The following POLR2E variants were observed in gnomAD, a reference collection of about 807,000 sequenced individuals.
POLR2E encodes the protein RNA polymerase II, I and III subunit E.
Under a neutral mutation model 29.8 loss-of-function variants are expected in POLR2E, and 35 were observed. That is an observed-to-expected ratio of 1.17 (90% CI 0.90 to 1.55). The LOEUF (loss-of-function observed/expected upper bound fraction) is 1.55, where lower values mean the gene tolerates loss of function less well. Among genes scored for constraint, POLR2E ranks in the 40% most tolerant of loss-of-function variants. POLR2E has a pLI of 0.00. For synonymous variants in POLR2E, 174 were observed against 112.6 expected, an observed-to-expected ratio of 1.55 and a Z score of -3.45; for missense variants, 287 against 288.6, an observed-to-expected ratio of 0.99 and a Z score of 0.04.
rs565063884 is a variant in POLR2E at position 1,093,827 on chromosome 19, G to C, written c.232+77C>G. On this transcript the variant is annotated intron_variant, in intron 2 of 7. Coordinates refer to ENST00000615234, the MANE Select transcript of POLR2E (RefSeq NM_002695.5). ...CAAATGCTGGGCACCAGGCGAGTGG[G>C]GGTGGGTGCTAGCGACCGGCTCCTC... is the stretch of plus-strand genomic sequence containing the variant. 1.7e-5 allele frequency: 25 copies of C among 1,473,854 alleles called. No individual in the cohort carries two copies. In the East Asian group the frequency reaches 6.1e-4, roughly 36 times the overall value. The allele number at this position is 1,473,854 out of a possible 1,614,324, so 91.3% of individuals were successfully genotyped here. A position where few individuals can be genotyped will look rare whatever the true frequency, so the allele number is the denominator to read the frequency against.
At chr19:1,090,815 C>T (rs2043812849) in intron 4 of POLR2E, 93 bp downstream of exon 4, 16 of 1,108,148 alleles carry the variant, frequency 1.4e-5, no homozygotes, top group East Asian at 2.5e-5. Flanking sequence ...GGAACACCTG[C>T]CCTGGGCCCC....
Position 1,090,159 on chromosome 19 carries a change from A to G in POLR2E, c.430-14T>C, listed in dbSNP as rs771314610. The G allele has an allele frequency of 1.2e-5, 19 of 1,611,744 alleles. No individual in the cohort carries two copies. In the East Asian group the frequency reaches 4.0e-4, roughly 34 times the overall value. On this transcript the variant is annotated splice_polypyrimidine_tract_variant and intron_variant, in intron 4 of 7. Coordinates refer to ENST00000615234, the MANE Select transcript of POLR2E (RefSeq NM_002695.5). ...CTCAGGGACTAGCTGCCGAGAGAGGAAGCCACCAGGCATCACCAAGGGCTG... is the reference window on the plus strand; with the variant it reads ...CTCAGGGACTAGCTGCCGAGAGAGGGAGCCACCAGGCATCACCAAGGGCTG...
At chr19:1,090,784 C>T in intron 4 of POLR2E, 124 bp downstream of exon 4, 2 of 798,952 alleles carry the variant, frequency 2.5e-6, no homozygotes, top group Admixed American at 2.6e-5. Flanking sequence ...CTTTGAGAAC[C>T]CTGTCCTCCA....
intron 3 of POLR2E, 187 bp downstream of exon 3, chr19:1,091,605 G>T: frequency 1.7e-6 from 1 of 590,604 alleles, no homozygotes; most frequent in East Asian, 2.8e-5. Flanking sequence ...GCGGCTGCCT[G>T]GGGTGGGGCC....
intron 1 of POLR2E, chr19:1,094,804 T>A (rs1315757593): frequency 5.5e-6 from 1 of 182,886 alleles, no homozygotes; most frequent in African/African-American, 2.4e-5. Flanking sequence ...AGGCACGGGT[T>A]CCGAGCTCCA....
At chr19:1,092,767 G>C (rs1163648606) in intron 2 of POLR2E, among the ~76,000 whole-genome samples, 1 of 151,206 alleles carries the variant, frequency 6.6e-6, no homozygotes, top group Admixed American at 6.6e-5. Context: ...TGTAAACCTA[G>C]CTTTTTGGGA....
At chr19:1,091,707 A>G in intron 3 of POLR2E, 85 bp downstream of exon 3, 1 of 916,058 alleles carries the variant, frequency 1.1e-6, no homozygotes, top group East Asian at 2.5e-5. Flanking sequence ...CCAAAGCCCA[A>G]GGCACGTGGG....
intron 4 of POLR2E, among the ~76,000 whole-genome samples, chr19:1,090,644 TC>T (rs1267473167): frequency 3.3e-5 from 5 of 151,856 alleles, no homozygotes; most frequent in African/African-American, 1.2e-4. Flanking sequence ...GGTCTGGAAC[TC>T]CTGACCTCGT....
At position 1,088,218 on chromosome 19, in the gene POLR2E, C is replaced by T. The variant is rs922450780; in HGVS notation, c.*517G>A. On this transcript the variant is annotated 3_prime_UTR_variant, in exon 8 of 8. Coordinates refer to ENST00000615234, the MANE Select transcript of POLR2E (RefSeq NM_002695.5). ...AAACATCTTTACCATTTGAAAACAC[C>T]CAACCTCCTACAACAACCGAGAACT... 1 of 152,386 alleles carries T rather than the reference C, an allele frequency of 6.6e-6. No homozygotes were observed. Among genetic ancestry groups the T allele is most frequent in the Admixed American group, 6.5e-5 (1 of 15,284 alleles). The allele number at this position is 152,386 out of a possible 1,614,324, so 9.4% of individuals were successfully genotyped here.
At chr19:1,091,317 C>T (rs1187954820) in intron 3 of POLR2E, among the ~76,000 whole-genome samples, 1 of 152,232 alleles carries the variant, frequency 6.6e-6, no homozygotes, top group Non-Finnish European at 1.5e-5. Context: ...GCGTGAACCC[C>T]ACAGCTGGTG....
chr19:1,089,818 G>C, intron 6 of POLR2E, 66 bp downstream of exon 6: 1 of 1,313,324 alleles, frequency 7.6e-7, no homozygotes, highest in Non-Finnish European at 1.1e-6. Context: ...GGGAGGGACA[G>C]AAGCCCCCTT....
In POLR2E at chr19:1,087,883, T is replaced by A. The variant is rs2043739603; in HGVS notation, c.*852A>T. On this transcript the variant is annotated 3_prime_UTR_variant, in exon 8 of 8. Coordinates refer to ENST00000615234, the MANE Select transcript of POLR2E (RefSeq NM_002695.5). ...GGCGAGGCCTTCTGAAATCAGACAG[T>A]AAGCAAACGGGGAAGTAGAGCCAGA... The A allele has an allele frequency of 6.6e-6, 1 of 152,218 alleles. No individual in the cohort carries two copies. The highest frequency in any genetic ancestry group is 2.4e-5 in the African/African-American group (1 of 41,390). The allele number at this position is 152,218 out of a possible 1,614,324, so 9.4% of individuals were successfully genotyped here.
chr19:1,090,236 C>G lies in POLR2E; in HGVS notation c.430-91G>C, dbSNP rs542603057. The G allele has an allele frequency of 6.4e-6, 7 of 1,098,200 alleles. No homozygotes were observed. In the East Asian group the frequency reaches 9.9e-5, roughly 15 times the overall value. The allele number at this position is 1,098,200 out of a possible 1,614,324, so 68.0% of individuals were successfully genotyped here. A position where few individuals can be genotyped will look rare whatever the true frequency, so the allele number is the denominator to read the frequency against. ...CCACCACAGCCCCTGCGCCTTCAGA[C>G]GGACAAGAGCCCTGAACCCCACCCC... On this transcript the variant is annotated intron_variant, in intron 4 of 7. Transcript: ENST00000615234.
chr19:1,093,917 A>G lies in POLR2E; in HGVS notation c.219T>C (p.Phe73=), dbSNP rs1405235265. The change falls in exon 2 of 8, where the codon TTT becomes TTC. Residue 73 remains phenylalanine, a synonymous_variant. Coordinates refer to ENST00000615234, the MANE Select transcript of POLR2E (RefSeq NM_002695.5). Reference sequence around the variant, plus strand: ...CCCGCTGCTCACCTGGAAAGAACACAAACATCTGGTCGGTGGGGTCATCGT... The same window carrying G: ...CCCGCTGCTCACCTGGAAAGAACACGAACATCTGGTCGGTGGGGTCATCGT... ...AHNDDPTDQM[F]VFFPEEPKVG... 6.2e-7 allele frequency: 1 copy of G among 1,601,568 alleles called. No individual in the cohort carries two copies. Among genetic ancestry groups the G allele is most frequent in the African/African-American group, 1.3e-5 (1 of 74,498 alleles).
chr19:1,091,000 C>A lies in POLR2E; in HGVS notation c.349-12G>T, dbSNP rs10406195. 3.1e-6 allele frequency: 5 copies of A among 1,612,646 alleles called. No individual in the cohort carries two copies. The highest frequency in any genetic ancestry group is 1.1e-5 in the South Asian group (1 of 91,070). ...ATGTCGACCAGGGACTGGAAGAGAG[C>A]GGCTCTAAGGCACGGCCCGGAGGGG... On this transcript the variant is annotated splice_polypyrimidine_tract_variant and intron_variant, in intron 3 of 7. Transcript: ENST00000615234.
intron 7 of POLR2E, among the ~76,000 whole-genome samples, chr19:1,088,935 A>G (rs10405108): frequency 0.94 from 143,374 of 152,244 alleles, 67,565 homozygotes; most frequent in East Asian, 0.99. Context: ...AGACCAGGCC[A>G]AGCCCCACCC....
chr19:1,089,586 G>C (rs1210330168), intron 6 of POLR2E, 35 bp from the exon 7 acceptor site: 6 of 1,580,586 alleles, frequency 3.8e-6, no homozygotes, highest in Non-Finnish European at 5.2e-6. Context: ...GCGAATGCTT[G>C]AGGGGTCTCA....
At chr19:1,091,017 C>T (rs1431926337) in intron 3 of POLR2E, 29 bp from the exon 4 acceptor site, 1 of 1,603,420 alleles carries the variant, frequency 6.2e-7, no homozygotes, top group Non-Finnish European at 8.5e-7. Flanking sequence ...AAGGCACGGC[C>T]CGGAGGGGCC....
rs760879470 is a variant in POLR2E at position 1,094,035 on chromosome 19, T to A, written c.101A>T (p.Asp34Val). The A allele has an allele frequency of 1.2e-6, 2 of 1,613,488 alleles. No individual in the cohort carries two copies. Among genetic ancestry groups the A allele is most frequent in the Admixed American group, 3.3e-5 (2 of 59,960 alleles). Residue 34 changes from aspartate (D) to valine (V), a missense_variant, in exon 2 of 8, where the codon GAC (aspartate) becomes GTC (valine). By Grantham distance (152) the Asp-to-Val change is radical (BLOSUM62 -3). Coordinates refer to ENST00000615234, the MANE Select transcript of POLR2E (RefSeq NM_002695.5). ...RGYLVTQDELDQTLEEFKAQS... is the reference protein window; with the variant it reads ...RGYLVTQDELVQTLEEFKAQS... ...GGCTTTGAACTCCTCCAGGGTCTGGTCAAGCTCGTCCTGGGTCACCAGATA... is the reference window on the plus strand; with the variant it reads ...GGCTTTGAACTCCTCCAGGGTCTGGACAAGCTCGTCCTGGGTCACCAGATA...
Sources: allele counts gnomAD v4.1 joint callset (sites outside exome capture counted in the v4.1 genomes callset), GRCh38; gene constraint gnomAD v4.1.1; transcripts MANE v1.5; gene names NCBI Gene and HGNC (gene_info 2026-07-23, HGNC 2026-07-21).